MAD1L1: variants seen among roughly 807,000 people sequenced by gnomAD.
MAD1L1 encodes the protein mitotic arrest deficient 1 like 1.
A neutral mutation model predicts 96.9 loss-of-function variants in MAD1L1; 95 were observed. The observed-to-expected ratio is 0.98, with a 90% confidence interval of 0.83 to 1.16. The LOEUF (loss-of-function observed/expected upper bound fraction) is 1.16, where lower values mean the gene tolerates loss of function less well. Among genes scored for constraint, MAD1L1 ranks in the 50% most tolerant of loss-of-function variants. The pLI is 0.00. For missense variants in MAD1L1, 1,007 were observed against 954.4 expected (o/e 1.06, Z -0.73); for synonymous variants, 473 against 396.6 (o/e 1.19, Z -2.29).
In MAD1L1 at chr7:1,926,457, C is replaced by G. The variant is rs572633345; in HGVS notation, c.1807+10230G>C. 1.4e-4 allele frequency among the ~76,000 whole-genome samples: 22 copies of G among 152,284 alleles called. No individual in the cohort carries two copies. The South Asian group carries it at 3.7e-3, about 26-fold the overall frequency. ...AGCTACAGACCAATATGAACACAGA[C>G]GTGAAGATTACTGACGATGTCAGCA... On this transcript the variant is annotated intron_variant, in intron 17 of 18. Coordinates refer to ENST00000265854, the MANE Select transcript of MAD1L1 (RefSeq NM_001013836.2).
chr7:1,832,922 G>A (rs933676690), intron 18 of MAD1L1, among the ~76,000 whole-genome samples: 8 of 152,038 alleles, frequency 5.3e-5, no homozygotes, highest in African/African-American at 1.9e-4. Flanking sequence ...TTGAGCCACA[G>A]CACCCAGCCC....
intron 17 of MAD1L1, among the ~76,000 whole-genome samples, chr7:1,909,347 C>T (rs1436052539): frequency 1.3e-5 from 2 of 152,164 alleles, no homozygotes; most frequent in African/African-American, 2.4e-5. Context: ...CCAGGCTTCC[C>T]GGGACTGAAT....
At chr7:2,120,710 G>A (rs753588676) in intron 11 of MAD1L1, among the ~76,000 whole-genome samples, 1 of 152,226 alleles carries the variant, frequency 6.6e-6, no homozygotes, top group Non-Finnish European at 1.5e-5. Flanking sequence ...GTATCACTTC[G>A]AGAGAGACTT....
chr7:2,153,741 C>G (rs1789691455), intron 10 of MAD1L1, among the ~76,000 whole-genome samples: 1 of 152,228 alleles, frequency 6.6e-6, no homozygotes, highest in African/African-American at 2.4e-5. Flanking sequence ...AAGATACCTG[C>G]ATTCCCATGT....
intron 17 of MAD1L1, among the ~76,000 whole-genome samples, chr7:1,922,308 G>A (rs905860762): frequency 6.6e-6 from 1 of 152,260 alleles, no homozygotes; most frequent in African/African-American, 2.4e-5. Context: ...CCCACGCCTC[G>A]CCTCAGCAGC....
At chr7:2,139,189 C>A (rs1410104814) in intron 11 of MAD1L1, among the ~76,000 whole-genome samples, 1 of 152,096 alleles carries the variant, frequency 6.6e-6, no homozygotes, top group African/African-American at 2.4e-5. Context: ...GCACCCCACA[C>A]CATGTCCACA....
intron 5 of MAD1L1, among the ~76,000 whole-genome samples, 173 bp downstream of exon 5, chr7:2,222,402 A>G (rs527536847): frequency 1.3e-5 from 2 of 152,182 alleles, no homozygotes; most frequent in Non-Finnish European, 2.9e-5. Flanking sequence ...TTTTTAACTG[A>G]AAACTACAGA....
chr7:1,919,838 T>C (rs1788664334), intron 17 of MAD1L1, among the ~76,000 whole-genome samples: 1 of 152,190 alleles, frequency 6.6e-6, no homozygotes, highest in South Asian at 2.1e-4. Flanking sequence ...AACTTTGCTT[T>C]GGAACTGAAA....
At chr7:1,986,110 T>C (rs1781127875) in intron 14 of MAD1L1, among the ~76,000 whole-genome samples, 2 of 152,218 alleles carry the variant, frequency 1.3e-5, no homozygotes, top group South Asian at 4.1e-4. Context: ...AGGTTCACAG[T>C]GGGGAAGGAC....
chr7:2,146,953 T>C lies in MAD1L1; in HGVS notation c.1073+2199A>G, dbSNP rs573611917. ...CACGACGGGACTCATCCACACCTCA[T>C]TGGCCACTGCCAGCGCTGCCTGTCC... On this transcript the variant is annotated intron_variant, in intron 11 of 18. Coordinates refer to ENST00000265854, the MANE Select transcript of MAD1L1 (RefSeq NM_001013836.2). The surrounding 1 kb of genome is among the most constrained non-coding windows in gnomAD (Gnocchi z 6.2). Among the ~76,000 whole-genome samples, 33 of 152,188 alleles carry C rather than the reference T, an allele frequency of 2.2e-4. No individual in the cohort carries two copies. Among genetic ancestry groups the C allele is most frequent in the Non-Finnish European group, 3.1e-4 (21 of 67,990 alleles).
chr7:1,865,811 G>A (rs957553620), intron 18 of MAD1L1, among the ~76,000 whole-genome samples: 4 of 152,202 alleles, frequency 2.6e-5, no homozygotes, highest in African/African-American at 9.7e-5. Context: ...TCTCTCTCTC[G>A]AATGGCAGCC....
chr7:1,986,536 G>A (rs547446461), intron 14 of MAD1L1, among the ~76,000 whole-genome samples: 7 of 152,174 alleles, frequency 4.6e-5, no homozygotes, highest in Admixed American at 1.3e-4. Context: ...CCCTCGCGCC[G>A]GCAAGGGGGT....
chr7:1,908,693 C>T (rs1391526284), intron 17 of MAD1L1, among the ~76,000 whole-genome samples: 1 of 152,200 alleles, frequency 6.6e-6, no homozygotes, highest in African/African-American at 2.4e-5. Flanking sequence ...GCCCTCAGGT[C>T]TCAAGTGCTC....
chr7:1,884,008 G>T (rs1785849859), intron 18 of MAD1L1, among the ~76,000 whole-genome samples: 1 of 152,122 alleles, frequency 6.6e-6, no homozygotes, highest in South Asian at 2.1e-4. Context: ...TGCAGAGCCA[G>T]CTGGGGACTC....
At chr7:1,935,630 G>A (rs568369936) in intron 17 of MAD1L1, among the ~76,000 whole-genome samples, 8 of 152,344 alleles carry the variant, frequency 5.3e-5, no homozygotes, top group Non-Finnish European at 8.8e-5. Flanking sequence ...GCTGGGCTGT[G>A]GGAAGCGGAC....
intron 13 of MAD1L1, among the ~76,000 whole-genome samples, chr7:2,013,780 G>A (rs1782407537): frequency 6.6e-6 from 1 of 152,216 alleles, no homozygotes; most frequent in South Asian, 2.1e-4. Flanking sequence ...GGAGCCCCCG[G>A]CCCCAGTGTA....
At chr7:1,828,611 A>T (rs1782548762) in intron 18 of MAD1L1, among the ~76,000 whole-genome samples, 1 of 152,196 alleles carries the variant, frequency 6.6e-6, no homozygotes. Flanking sequence ...CTCCCACCTC[A>T]CATTTCCTAA....
At chr7:2,130,844 C>T (rs1404876153) in intron 11 of MAD1L1, among the ~76,000 whole-genome samples, 8 of 152,218 alleles carry the variant, frequency 5.3e-5, no homozygotes, top group Non-Finnish European at 7.3e-5. Flanking sequence ...ATCTTCAGTG[C>T]GAATGCCAAA....
At chr7:2,159,517 TTTAG>T (rs1790000549) in intron 10 of MAD1L1, among the ~76,000 whole-genome samples, 2 of 152,254 alleles carry the variant, frequency 1.3e-5, no homozygotes, top group African/African-American at 4.8e-5. Context: ...TACCTGCTTA[TTTAG>T]TGTCTTTCCC....
Sources: allele counts gnomAD v4.1 joint callset (sites outside exome capture counted in the v4.1 genomes callset), GRCh38; gene constraint gnomAD v4.1.1; non-coding constraint Gnocchi (gnomAD v3.1); transcripts MANE v1.5; gene names NCBI Gene and HGNC (gene_info 2026-07-23, HGNC 2026-07-21).